PDZRN3: variants seen among roughly 807,000 people sequenced by gnomAD.
PDZRN3 encodes the protein E3 ubiquitin-protein ligase PDZRN3.
PDZRN3 carries 38 observed loss-of-function variants against 85.7 expected under a neutral mutation model. That is an observed-to-expected ratio of 0.44 (90% confidence interval 0.34 to 0.58). The LOEUF is 0.58. Among genes scored for constraint, PDZRN3 ranks in the 20% least tolerant of loss-of-function variants. The probability of loss-of-function intolerance (pLI) is 0.01; values close to 1 mark genes in which losing one functional copy is unlikely to be tolerated. For synonymous variants in PDZRN3, 759 were observed against 638.0 expected (o/e 1.19, Z -2.86); for missense variants, 1,629 against 1,506.4 (o/e 1.08, Z -1.35).
At chr3:73,483,930 T>C (rs187168656) in intron 3 of PDZRN3, among the ~76,000 whole-genome samples, 46 of 152,150 alleles carry the variant, frequency 3.0e-4, no homozygotes, top group Admixed American at 6.5e-4. Flanking sequence ...ACTTTACCCA[T>C]TAGGAAAATA....
Position 73,384,763 on chromosome 3 carries a change from C to A in PDZRN3, c.1803G>T (p.Ala601=). 3.7e-6 allele frequency: 6 copies of A among 1,613,946 alleles called. No individual in the cohort carries two copies. The highest frequency in any genetic ancestry group is 5.1e-6 in the Non-Finnish European group (6 of 1,180,042). The part of the protein sequence containing the change: ...DDATASSNPL[A]GQRKLTCSQD... ...GGCTGCAGGTGAGCTTCCTCTGCCC[C>A]GCCAGCGGGTTGGAGGATGCGGTGG... Residue 601 remains alanine, a synonymous_variant, in exon 10 of 10, where the codon GCG becomes GCT. Transcript: ENST00000263666.
chr3:73,383,620 C>A lies in PDZRN3; in HGVS notation c.2946G>T (p.Leu982=), dbSNP rs1188247857. The A allele has an allele frequency of 1.2e-6, 2 of 1,613,964 alleles. No individual in the cohort carries two copies. The highest frequency in any genetic ancestry group is 1.7e-6 in the Non-Finnish European group (2 of 1,180,032). ...GCCGCCGCTGCTCCTTGGCCTTCAC[C>A]AGGTGCTGCTTCCTCTCCTCCTTGC... ...YWSKEERKQH[L]VKAKEQRRRR... is the part of the protein sequence containing the mutation. The change falls in exon 10 of 10, where the codon CTG becomes CTT. Residue 982 remains leucine (L), a synonymous_variant. Transcript: ENST00000263666.
chr3:73,591,302 A>G (rs1258182624), intron 3 of PDZRN3, among the ~76,000 whole-genome samples: 1 of 152,188 alleles, frequency 6.6e-6, no homozygotes, highest in Non-Finnish European at 1.5e-5. Flanking sequence ...TGAACACACA[A>G]TTGTTTGACT....
chr3:73,500,736 A>G (rs543979117), intron 3 of PDZRN3, among the ~76,000 whole-genome samples: 1 of 152,228 alleles, frequency 6.6e-6, no homozygotes, highest in South Asian at 2.1e-4. Flanking sequence ...TAAACCACCT[A>G]AAAATTTATT....
chr3:73,554,353 G>GACACACACAC (rs35130068), intron 3 of PDZRN3, among the ~76,000 whole-genome samples: 7 of 147,664 alleles, frequency 4.7e-5, no homozygotes, highest in African/African-American at 1.2e-4. Flanking sequence ...GTTGAGAGAA[G>GACACACACAC]ACACACACAC....
chr3:73,565,793 ACACACACACACACACACACACAC>A (rs1701936548), intron 3 of PDZRN3, among the ~76,000 whole-genome samples: 3 of 145,128 alleles, frequency 2.1e-5, no homozygotes, highest in Non-Finnish European at 3.0e-5. Context: ...CAAAACACAC[ACACACACACACACACACACACAC>A]ACACACACAC....
intron 3 of PDZRN3, among the ~76,000 whole-genome samples, chr3:73,457,314 C>G (rs1007340470): frequency 6.6e-6 from 1 of 152,102 alleles, no homozygotes; most frequent in Non-Finnish European, 1.5e-5. Context: ...CTCAGGTGAT[C>G]CACGTGCCTC....
intron 4 of PDZRN3, among the ~76,000 whole-genome samples, chr3:73,402,107 T>C (rs1701760743): frequency 6.6e-6 from 1 of 152,194 alleles, no homozygotes; most frequent in Non-Finnish European, 1.5e-5. Context: ...GCTCTTGCTG[T>C]TGTCTGACCT....
At chr3:73,516,447 G>A (rs890023902) in intron 3 of PDZRN3, among the ~76,000 whole-genome samples, 3 of 152,268 alleles carry the variant, frequency 2.0e-5, no homozygotes, top group Non-Finnish European at 2.9e-5. Context: ...TATGAATGAA[G>A]TTGAGTACCT....
intron 3 of PDZRN3, among the ~76,000 whole-genome samples, chr3:73,585,378 A>T (rs936422146): frequency 2.6e-5 from 4 of 152,248 alleles, no homozygotes; most frequent in African/African-American, 9.6e-5. Flanking sequence ...CACAGAACAC[A>T]AATGAACATT....
intron 3 of PDZRN3, among the ~76,000 whole-genome samples, chr3:73,420,229 G>T (rs1173465949): frequency 6.6e-6 from 1 of 152,206 alleles, no homozygotes; most frequent in Non-Finnish European, 1.5e-5. Context: ...AGCCCAGCCT[G>T]GCCATCGTAA....
chr3:73,435,372 G>A (rs1201502728), intron 3 of PDZRN3, among the ~76,000 whole-genome samples: 2 of 152,186 alleles, frequency 1.3e-5, no homozygotes, highest in Non-Finnish European at 2.9e-5. Context: ...GGGAAAGGAA[G>A]CCACAGATGG....
rs1256300875 is a variant in PDZRN3, at chr3:73,543,365, G to A, written c.918+58989C>T. Among the ~76,000 whole-genome samples, 6 of 152,356 alleles carry A rather than the reference G, an allele frequency of 3.9e-5. No homozygotes were observed. The East Asian group carries it at 1.2e-3, about 29-fold the overall frequency. On this transcript the variant is annotated intron_variant, in intron 3 of 9. Transcript: ENST00000263666. ...AGCAAAAAGGTAGCTTCTGCAGTGA[G>A]ATGTAGGCAGCACCTGAGAGGTGAG...
intron 3 of PDZRN3, among the ~76,000 whole-genome samples, chr3:73,468,462 G>A (rs1013851567): frequency 3.3e-5 from 5 of 149,612 alleles, no homozygotes; most frequent in African/African-American, 7.4e-5. Flanking sequence ...TTTTCTTTGA[G>A]TCAATTAAAG....
At chr3:73,568,244 C>G (rs1477326018) in intron 3 of PDZRN3, among the ~76,000 whole-genome samples, 1 of 152,112 alleles carries the variant, frequency 6.6e-6, no homozygotes, top group Non-Finnish European at 1.5e-5. Flanking sequence ...CTCCCCAGAG[C>G]TAGATATGAT....
At chr3:73,413,030 T>C (rs908875561) in intron 3 of PDZRN3, among the ~76,000 whole-genome samples, 2 of 152,226 alleles carry the variant, frequency 1.3e-5, no homozygotes, top group African/African-American at 2.4e-5. Flanking sequence ...ATGAGGAATA[T>C]TTAAGTACAT....
chr3:73,480,690 T>C (rs1486964038), intron 3 of PDZRN3, among the ~76,000 whole-genome samples: 1 of 152,154 alleles, frequency 6.6e-6, no homozygotes, highest in Non-Finnish European at 1.5e-5. Flanking sequence ...ATACTGTGTG[T>C]TCCTTAAAAG....
At chr3:73,389,274 G>A (rs908552248) in intron 7 of PDZRN3, among the ~76,000 whole-genome samples, 11 of 152,164 alleles carry the variant, frequency 7.2e-5, no homozygotes, top group Non-Finnish European at 1.3e-4. Context: ...GGACTAGACG[G>A]AGCAACAGGG....
intron 3 of PDZRN3, among the ~76,000 whole-genome samples, chr3:73,436,485 C>T (rs1457996102): frequency 1.3e-5 from 2 of 152,174 alleles, no homozygotes; most frequent in African/African-American, 2.4e-5. Flanking sequence ...GCTCTCCTCC[C>T]CCAAAGTTGA....
Sources: gnomAD v4.1 joint callset for allele counts (sites outside exome capture counted in the v4.1 genomes callset) on GRCh38, gnomAD v4.1.1 for gene constraint, MANE v1.5 for transcripts, NCBI Gene and HGNC (gene_info 2026-07-23, HGNC 2026-07-21) for gene names.